Variants in CMSS1 observed in about 807,000 individuals in gnomAD.
CMSS1 encodes cms1 ribosomal small subunit homolog.
CMSS1 carries 33 observed loss-of-function variants against 43.5 expected under a neutral mutation model. The ratio of observed to expected loss-of-function variants is 0.76; its 90% CI spans 0.57 to 1.01. CMSS1 has a LOEUF of 1.01. CMSS1 is among the 50% of genes least tolerant of loss of function. CMSS1 has a pLI of 0.00. For missense variants in CMSS1, 313 were observed against 326.4 expected, an observed-to-expected ratio of 0.96 and a Z score of 0.32; for synonymous variants, 115 against 117.2, an observed-to-expected ratio of 0.98 and a Z score of 0.12.
intron 1 of CMSS1, among the ~76,000 whole-genome samples, chr3:100,005,561 A>C (rs574331347): frequency 1.3e-5 from 2 of 152,358 alleles, no homozygotes; most frequent in Admixed American, 1.3e-4. Context: ...TAATAAACCA[A>C]ATTTTACAAG....
At chr3:100,072,339 A>T (rs958036679) in intron 1 of CMSS1, among the ~76,000 whole-genome samples, 1 of 152,184 alleles carries the variant, frequency 6.6e-6, no homozygotes, top group East Asian at 1.9e-4. Context: ...TGCATTTCCA[A>T]ATCTGGGCTC....
chr3:100,035,543 G>T (rs1214082268), intron 1 of CMSS1, among the ~76,000 whole-genome samples: 1 of 152,134 alleles, frequency 6.6e-6, no homozygotes, highest in African/African-American at 2.4e-5. Context: ...AATTACAGGC[G>T]TGAGACACTG....
chr3:100,056,922 T>C (rs994069003), intron 1 of CMSS1, among the ~76,000 whole-genome samples: 1 of 152,012 alleles, frequency 6.6e-6, no homozygotes, highest in African/African-American at 2.4e-5. Context: ...GAGAATGGCA[T>C]GAACCTGGGA....
intron 1 of CMSS1, among the ~76,000 whole-genome samples, chr3:99,973,065 A>G (rs1708869325): frequency 6.6e-6 from 1 of 152,226 alleles, no homozygotes; most frequent in African/African-American, 2.4e-5. Context: ...GCAGAACTAT[A>G]GGAACAATGG....
chr3:99,883,280 C>G (rs1389144812), intron 1 of CMSS1, among the ~76,000 whole-genome samples: 1 of 152,194 alleles, frequency 6.6e-6, no homozygotes, highest in Non-Finnish European at 1.5e-5. Context: ...AACTTCCACT[C>G]ATTGTTCTTC....
intron 1 of CMSS1, among the ~76,000 whole-genome samples, chr3:100,146,302 A>G (rs2066849195): frequency 6.6e-6 from 1 of 152,236 alleles, no homozygotes; most frequent in Non-Finnish European, 1.5e-5. Context: ...TAAAAAATTC[A>G]AAATAAGAAT....
Position 100,110,787 on chromosome 3 carries a change from T to C in CMSS1, c.65-36186T>C, listed in dbSNP as rs557703425. ...ATTTTTCCTCTTACCCATGATAAAC[T>C]GCTTCTTCACAACAGCCTACTTATG... On this transcript the variant is annotated intron_variant, in intron 1 of 9. Transcript: ENST00000421999. Among the ~76,000 whole-genome samples, 35 of 152,290 alleles carry C rather than the reference T, an allele frequency of 2.3e-4. No homozygotes were observed. The South Asian group carries it at 6.6e-3, about 29-fold the overall frequency.
At chr3:99,840,326 C>T (rs1425883546) in intron 1 of CMSS1, among the ~76,000 whole-genome samples, 3 of 143,794 alleles carry the variant, frequency 2.1e-5, no homozygotes, top group South Asian at 4.3e-4. Flanking sequence ...CGGGTTGAAG[C>T]GATTCTCCTG....
rs562641988 is a variant in CMSS1 at position 99,887,189 on chromosome 3, C to T, written c.64+69146C>T. Among the ~76,000 whole-genome samples, 3 of 152,012 alleles carry T rather than the reference C, an allele frequency of 2.0e-5. No homozygotes were observed. In the South Asian group the frequency reaches 6.2e-4, roughly 32 times the overall value. Reference sequence around the variant, plus strand: ...GAGGCTAACAGGAGAATCACTTGAACCCAGGAGGAGGAGGTCGCGGTTAGC... The same window carrying T: ...GAGGCTAACAGGAGAATCACTTGAATCCAGGAGGAGGAGGTCGCGGTTAGC... On this transcript the variant is annotated intron_variant, in intron 1 of 9. Coordinates refer to ENST00000421999, the MANE Select transcript of CMSS1 (RefSeq NM_032359.4).
At chr3:100,021,664 G>A (rs1434985077) in intron 1 of CMSS1, among the ~76,000 whole-genome samples, 4 of 152,130 alleles carry the variant, frequency 2.6e-5, no homozygotes, top group Non-Finnish European at 5.9e-5. Context: ...TAAATCAAGT[G>A]TCTTGGTTGC....
chr3:99,920,185 T>G (rs1443659963), intron 1 of CMSS1, among the ~76,000 whole-genome samples: 1 of 152,144 alleles, frequency 6.6e-6, no homozygotes, highest in African/African-American at 2.4e-5. Context: ...AGAAATGCAG[T>G]AACATATATG....
chr3:99,833,950 A>G (rs1942791744), intron 1 of CMSS1, among the ~76,000 whole-genome samples: 1 of 152,256 alleles, frequency 6.6e-6, no homozygotes, highest in African/African-American at 2.4e-5. Context: ...ATGATGATGG[A>G]TATGGTGATG....
intron 6 of CMSS1, among the ~76,000 whole-genome samples, chr3:100,169,508 C>G (rs902385659): frequency 1.3e-5 from 2 of 152,216 alleles, no homozygotes; most frequent in African/African-American, 4.8e-5. Flanking sequence ...TTATTTACAT[C>G]TGTTTTTTCT....
At chr3:100,051,358 C>T (rs942045162) in intron 1 of CMSS1, 5 of 151,454 alleles carry the variant, frequency 3.3e-5, no homozygotes, top group African/African-American at 1.2e-4. Flanking sequence ...GCTTATATTT[C>T]TTTTTATATA....
intron 1 of CMSS1, among the ~76,000 whole-genome samples, chr3:99,901,970 A>G (rs1706452760): frequency 6.6e-6 from 1 of 152,186 alleles, no homozygotes; most frequent in African/African-American, 2.4e-5. Flanking sequence ...AATAAACAAA[A>G]CAAAACACAG....
chr3:99,851,123 C>T (rs1229947404), intron 1 of CMSS1: 11 of 1,357,182 alleles, frequency 8.1e-6, no homozygotes, highest in East Asian at 2.3e-5. Flanking sequence ...AGTAACTCAT[C>T]GAATGTACTT....
At chr3:99,972,276 C>T (rs1408586180) in intron 1 of CMSS1, among the ~76,000 whole-genome samples, 1 of 152,062 alleles carries the variant, frequency 6.6e-6, no homozygotes, top group African/African-American at 2.4e-5. Flanking sequence ...CAATAGAGTA[C>T]CCTAGTTTTG....
At chr3:99,835,230 C>G (rs1177351299) in intron 1 of CMSS1, among the ~76,000 whole-genome samples, 2 of 152,162 alleles carry the variant, frequency 1.3e-5, no homozygotes, top group African/African-American at 4.8e-5. Context: ...CACCTTTGAC[C>G]CAGAAAAGGC....
chr3:100,014,869 C>CTTTTT, intron 1 of CMSS1, among the ~76,000 whole-genome samples: 1 of 18,528 alleles, frequency 5.4e-5, no homozygotes, highest in Non-Finnish European at 1.2e-4. Flanking sequence ...TTGTCTTTTT[C>CTTTTT]TTTTCTTTTT....
Sources: gnomAD v4.1 joint callset for allele counts (sites outside exome capture counted in the v4.1 genomes callset) on GRCh38, gnomAD v4.1.1 for gene constraint, MANE v1.5 for transcripts, NCBI Gene and HGNC (gene_info 2026-07-23, HGNC 2026-07-21) for gene names.